Variants in GAB2 observed in about 807,000 individuals in gnomAD.
GAB2 encodes GRB2-associated-binding protein 2.
Under a neutral mutation model 65.5 loss-of-function variants are expected in GAB2, and 26 were observed. The observed-to-expected ratio is 0.40, with a 90% CI of 0.29 to 0.55. GAB2 has a LOEUF of 0.55. Ranked by LOEUF, GAB2 falls within the 20% of genes least tolerant of loss-of-function variation. The pLI is 0.53. For synonymous variants in GAB2, 321 were observed against 329.6 expected (o/e 0.97, Z 0.28); for missense variants, 884 against 875.8 (o/e 1.01, Z -0.12).
intron 1 of GAB2, among the ~76,000 whole-genome samples, chr11:78,389,603 G>A (rs192149017): frequency 2.6e-5 from 4 of 152,152 alleles, no homozygotes; most frequent in Admixed American, 6.5e-5. Flanking sequence ...CACCGCGCCC[G>A]GCCGTGGTTT....
At chr11:78,234,732 TTACC>T in intron 3 of GAB2, among the ~76,000 whole-genome samples, 1 of 152,112 alleles carries the variant, frequency 6.6e-6, no homozygotes, top group African/African-American at 2.4e-5. Flanking sequence ...ATTATCTTGA[TTACC>T]ATAGTTTGAC....
In GAB2 at chr11:78,375,109, A is replaced by G. The variant is rs118165140; in HGVS notation, c.75+42537T>C. 8.8e-3 allele frequency among the ~76,000 whole-genome samples: 1,343 copies of G among 152,314 alleles called. 8 individuals carry two copies. The highest frequency in any genetic ancestry group is 0.014 in the Middle Eastern group (4 of 294). ...ACCCACACTAGAGTGCAATTGCACA[A>G]TCATAGCTCACTGCAGCCTAGAACT... On this transcript the variant is annotated intron_variant, in intron 1 of 9. Coordinates refer to ENST00000361507, the MANE Select transcript of GAB2 (RefSeq NM_080491.3).
intron 1 of GAB2, among the ~76,000 whole-genome samples, chr11:78,322,927 A>G (rs1855753661): frequency 6.6e-6 from 1 of 152,192 alleles, no homozygotes; most frequent in African/African-American, 2.4e-5. Context: ...TGCAAAGACT[A>G]AAAATAGAAC....
At chr11:78,285,259 G>A (rs1001915476) in intron 1 of GAB2, among the ~76,000 whole-genome samples, 3 of 152,152 alleles carry the variant, frequency 2.0e-5, no homozygotes, top group Admixed American at 2.0e-4. Flanking sequence ...GCAGGTGCAA[G>A]CACAAAAAAC....
chr11:78,355,680 TAAAAAAAAA>T (rs67850407), intron 1 of GAB2, among the ~76,000 whole-genome samples: 5 of 79,142 alleles, frequency 6.3e-5, no homozygotes, highest in African/African-American at 2.9e-4. Context: ...CTGTCTCACT[TAAAAAAAAA>T]AAAAAAAAAA....
intron 3 of GAB2, among the ~76,000 whole-genome samples, chr11:78,246,831 G>A (rs1454871489): frequency 2.0e-5 from 3 of 152,124 alleles, no homozygotes; most frequent in Admixed American, 2.0e-4. Flanking sequence ...AATCAACCTG[G>A]TTAGGCTCAG....
chr11:78,290,102 C>T (rs1302384062), intron 1 of GAB2, among the ~76,000 whole-genome samples: 1 of 151,442 alleles, frequency 6.6e-6, no homozygotes, highest in Non-Finnish European at 1.5e-5. Context: ...GGAGACAAAC[C>T]AGAAAAATAA....
rs113535297 is a variant in GAB2, at chr11:78,261,195, G to C, written c.377-10795C>G. Among the ~76,000 whole-genome samples the C allele has an allele frequency of 2.8e-3, 426 of 152,284 alleles. 4 individuals carry two copies. The highest frequency in any genetic ancestry group is 9.9e-3 in the African/African-American group (411 of 41,540). On this transcript the variant is annotated intron_variant, in intron 2 of 9. Transcript: ENST00000361507. ...ACTGGGGGGCTGGGGAGCTGAGGTGGGAGGATCACTTGAGCCCAGGAGGTC... is the reference window on the plus strand; with the variant it reads ...ACTGGGGGGCTGGGGAGCTGAGGTGCGAGGATCACTTGAGCCCAGGAGGTC...
intron 1 of GAB2, among the ~76,000 whole-genome samples, chr11:78,336,031 A>G (rs4945269): frequency 0.24 from 37,024 of 151,684 alleles, 5,020 homozygotes; most frequent in East Asian, 0.41. Context: ...ATTATTTTCC[A>G]GGTCGGGCAT....
rs184013258 is a variant in GAB2, at chr11:78,237,906, C to A, written c.621-10855G>T. 2.1e-3 allele frequency among the ~76,000 whole-genome samples: 317 copies of A among 152,268 alleles called. 2 individuals carry two copies. Among genetic ancestry groups the A allele is most frequent in the African/African-American group, 7.1e-3 (293 of 41,556 alleles). On this transcript the variant is annotated intron_variant, in intron 3 of 9. Transcript: ENST00000361507. ...CATGGATGGAGCTGGAAGCTGTTATCCTCAGCAAACTAATGCAGGAACAGA... is the reference window on the plus strand; with the variant it reads ...CATGGATGGAGCTGGAAGCTGTTATACTCAGCAAACTAATGCAGGAACAGA...
intron 1 of GAB2, among the ~76,000 whole-genome samples, chr11:78,301,301 C>T: frequency 6.6e-6 from 1 of 151,030 alleles, no homozygotes; most frequent in South Asian, 2.1e-4. Flanking sequence ...AATAATTATA[C>T]ATATTCATTT....
At chr11:78,394,650 G>T (rs774001005) in intron 1 of GAB2, among the ~76,000 whole-genome samples, 4 of 152,100 alleles carry the variant, frequency 2.6e-5, no homozygotes, top group Admixed American at 6.5e-5. Context: ...AACTGAGCAA[G>T]AAGGAGCAGC....
Position 78,220,345 on chromosome 11 carries a change from G to T in GAB2, c.1861C>A (p.Pro621Thr). ...TTGCGGTGGGGGCTTGGGGAGCTCG[G>T]CTGGAAGTCCAGGGCCAGATAATCA... is the stretch of plus-strand genomic sequence containing the variant. ...SVDYLALDFQ[P>T]SSPSPHRKPS... Residue 621 changes from proline to threonine, a missense_variant, in exon 9 of 10, where the codon CCG becomes ACG. Transcript: ENST00000361507. 1 of 1,612,850 alleles carries T rather than the reference G, an allele frequency of 6.2e-7. No homozygotes were observed. Among genetic ancestry groups the T allele is most frequent in the Non-Finnish European group, 8.5e-7 (1 of 1,179,638 alleles).
chr11:78,291,443 G>T (rs1866669181), intron 1 of GAB2, among the ~76,000 whole-genome samples: 1 of 149,054 alleles, frequency 6.7e-6, no homozygotes, highest in Admixed American at 6.7e-5. Flanking sequence ...TCCAGCCTGG[G>T]CAACAGAGCA....
chr11:78,242,123 AAG>A (rs981210770), intron 3 of GAB2, among the ~76,000 whole-genome samples: 179 of 34,860 alleles, frequency 5.1e-3, no homozygotes, highest in African/African-American at 7.4e-3. Flanking sequence ...AATCAGTAAC[AAG>A]AGGAAATTTC....
chr11:78,297,892 A>G (rs553631666), intron 1 of GAB2, among the ~76,000 whole-genome samples: 22 of 152,182 alleles, frequency 1.4e-4, no homozygotes, highest in Non-Finnish European at 3.1e-4. Context: ...ACATACACAC[A>G]TTTTACAAAT....
At chr11:78,360,667 G>C (rs1261660772) in intron 1 of GAB2, among the ~76,000 whole-genome samples, 1 of 152,090 alleles carries the variant, frequency 6.6e-6, no homozygotes, top group Admixed American at 6.6e-5. Flanking sequence ...AGACCAGCCT[G>C]GCCAACATGG....
intron 1 of GAB2, among the ~76,000 whole-genome samples, chr11:78,323,790 C>CTTTTTTTTTTTTTTTTTT (rs749282969): frequency 2.6e-5 from 2 of 77,260 alleles, no homozygotes; most frequent in African/African-American, 1.0e-4. Context: ...CTGAATCTTT[C>CTTTTTTTTTTTTTTTTTT]TTTTTTTTTT....
intron 3 of GAB2, among the ~76,000 whole-genome samples, chr11:78,245,597 A>G (rs1448936962): frequency 1.3e-5 from 2 of 152,238 alleles, no homozygotes; most frequent in Admixed American, 6.5e-5. Context: ...AGCTCTTCAT[A>G]CTAAAGAGTA....
Sources: allele counts gnomAD v4.1 joint callset (sites outside exome capture counted in the v4.1 genomes callset), GRCh38; gene constraint gnomAD v4.1.1; transcripts MANE v1.5; gene names NCBI Gene and HGNC (gene_info 2026-07-23, HGNC 2026-07-21).